CEP128: variants seen among roughly 807,000 people sequenced by gnomAD.
CEP128 encodes the protein centrosomal protein 128, also known as centrosomal protein 128kDa.
A neutral mutation model predicts 156.7 loss-of-function variants in CEP128; 132 were observed. The ratio of observed to expected loss-of-function variants is 0.84; its 90% confidence interval spans 0.73 to 0.97. CEP128 has a LOEUF of 0.97. Among genes scored for constraint, CEP128 ranks in the 50% least tolerant of loss-of-function variants. The probability of loss-of-function intolerance (pLI) is 0.00; values close to 1 mark genes in which losing one functional copy is unlikely to be tolerated. For missense variants in CEP128, 1,252 were observed against 1,281.9 expected, an observed-to-expected ratio of 0.98 and a Z score of 0.36; for synonymous variants, 469 against 448.9, an observed-to-expected ratio of 1.04 and a Z score of -0.57.
In CEP128 at chr14:80,703,436, T is replaced by C. The variant is rs183554881; in HGVS notation, c.2806+39639A>G. Among the ~76,000 whole-genome samples, 40 of 152,090 alleles carry C rather than the reference T, an allele frequency of 2.6e-4. No homozygotes were observed. The East Asian group carries it at 7.5e-3, about 29-fold the overall frequency. ...AAAGGACTCTCTGTAAAACAATATG[T>C]TTTTAAGAACTCATTCAAGTTCTAC... On this transcript the variant is annotated intron_variant, in intron 19 of 24. Transcript: ENST00000555265.
rs552493259 is a variant in CEP128 at position 80,757,652 on chromosome 14, C to G, written c.2554-701G>C. On this transcript the variant is annotated intron_variant, in intron 17 of 24. Transcript: ENST00000555265. ...TGTACTTTTGTTGAACTCTGTGCTA[C>G]AAATAATATTTTTGAAGACCTCTTT... Among the ~76,000 whole-genome samples the G allele has an allele frequency of 3.3e-5, 5 of 152,270 alleles. 1 individual carries two copies. Among genetic ancestry groups the G allele is most frequent in the African/African-American group, 1.2e-4 (5 of 41,554 alleles).
At chr14:80,687,879 A>T (rs1340795021) in intron 19 of CEP128, among the ~76,000 whole-genome samples, 1 of 152,212 alleles carries the variant, frequency 6.6e-6, no homozygotes, top group East Asian at 1.9e-4. Flanking sequence ...CTTTAAAAAC[A>T]TAAAAACGTA....
At chr14:80,729,052 GGTGGGGGTGTGTGTGTGTGTGTGTGTGT>G (rs1898131622) in intron 19 of CEP128, among the ~76,000 whole-genome samples, 1 of 94,688 alleles carries the variant, frequency 1.1e-5, no homozygotes, top group African/African-American at 5.6e-5. Flanking sequence ...AGGCTGGGCT[GGTGGGGGTGTGTGTGTGTGTGTGTGTGT>G]GTGTGTGTGT....
chr14:80,743,346 G>C, intron 18 of CEP128, 79 bp from the exon 19 acceptor site: 1 of 1,175,582 alleles, frequency 8.5e-7, no homozygotes, highest in Non-Finnish European at 1.2e-6. Context: ...AAAAAAATAA[G>C]TAACATAATT....
At chr14:80,485,373 C>CT (rs398099496) in intron 14 of CEP128, among the ~76,000 whole-genome samples, 2 of 151,676 alleles carry the variant, frequency 1.3e-5, no homozygotes, top group Non-Finnish European at 2.9e-5. Context: ...CTTTTAGATC[C>CT]TCTTCCTTTC....
At chr14:80,941,137 C>T (rs771677690) in intron 1 of CEP128, among the ~76,000 whole-genome samples, 1 of 152,018 alleles carries the variant, frequency 6.6e-6, no homozygotes, top group African/African-American at 2.4e-5. Flanking sequence ...ACTAATAAAG[C>T]GTTCCCGAGA....
intron 19 of CEP128, among the ~76,000 whole-genome samples, chr14:80,702,962 T>C (rs1192723372): frequency 3.3e-5 from 5 of 152,168 alleles, no homozygotes; most frequent in Admixed American, 1.3e-4. Context: ...AAATGTATGC[T>C]ATAAAAAGAT....
chr14:80,750,330 C>T (rs1191797902), intron 18 of CEP128, among the ~76,000 whole-genome samples: 2 of 152,124 alleles, frequency 1.3e-5, no homozygotes, highest in African/African-American at 4.8e-5. Flanking sequence ...GTTGCCCCTG[C>T]TAATGTAGTC....
intron 23 of CEP128, among the ~76,000 whole-genome samples, chr14:80,506,858 G>T (rs992668302): frequency 1.3e-5 from 2 of 152,094 alleles, no homozygotes; most frequent in African/African-American, 2.4e-5. Context: ...TATAGTTAGG[G>T]TATTTTCCCA....
intron 16 of CEP128, among the ~76,000 whole-genome samples, chr14:80,773,717 T>G (rs1198551525): frequency 6.6e-6 from 1 of 152,134 alleles, no homozygotes; most frequent in Non-Finnish European, 1.5e-5. Context: ...GATTCACAGA[T>G]TCCAGTGAAA....
chr14:80,790,004 C>T (rs997487030), intron 14 of CEP128, among the ~76,000 whole-genome samples: 1 of 151,936 alleles, frequency 6.6e-6, no homozygotes, highest in Admixed American at 6.6e-5. Flanking sequence ...TTCAAAAAAT[C>T]ATATACTTTG....
intron 19 of CEP128, among the ~76,000 whole-genome samples, chr14:80,642,190 GGACT>G (rs1894444414): frequency 6.6e-6 from 1 of 152,016 alleles, no homozygotes. Context: ...GTTACAGAGG[GGACT>G]GACAAGAAGC....
intron 19 of CEP128, among the ~76,000 whole-genome samples, chr14:80,596,845 T>G (rs143436263): frequency 0.081 from 5,898 of 72,486 alleles, 1 homozygote; most frequent in Middle Eastern, 0.16. Flanking sequence ...AAAAAAAAGG[T>G]GGGGGGGGGA....
intron 13 of CEP128, chr14:80,830,519 A>G (rs928347530): frequency 7.7e-6 from 2 of 261,086 alleles, no homozygotes; most frequent in Non-Finnish European, 1.4e-5. Context: ...CAATTAAACC[A>G]TTTCCTTTTA....
chr14:80,700,403 G>C (rs1413922482), intron 19 of CEP128, among the ~76,000 whole-genome samples: 2 of 152,098 alleles, frequency 1.3e-5, no homozygotes, highest in African/African-American at 4.8e-5. Context: ...CAGAGTGGCA[G>C]GGAAGATGCG....
intron 3 of CEP128, among the ~76,000 whole-genome samples, chr14:80,915,820 C>G (rs894250534): frequency 1.3e-5 from 2 of 152,238 alleles, no homozygotes; most frequent in Non-Finnish European, 2.9e-5. Context: ...CACCACCTAT[C>G]ACATATTTCA....
At chr14:80,730,368 C>T (rs1253088455) in intron 19 of CEP128, among the ~76,000 whole-genome samples, 1 of 152,134 alleles carries the variant, frequency 6.6e-6, no homozygotes, top group Non-Finnish European at 1.5e-5. Flanking sequence ...ACTGAAAGTG[C>T]TTCTTAGTTA....
At chr14:80,624,086 A>G (rs777202824) in intron 19 of CEP128, among the ~76,000 whole-genome samples, 4 of 151,988 alleles carry the variant, frequency 2.6e-5, no homozygotes, top group Non-Finnish European at 5.9e-5. Flanking sequence ...CCCCTTCCTC[A>G]ATCTTCACAG....
At chr14:80,500,572 C>T (rs1484439812) in intron 24 of CEP128, among the ~76,000 whole-genome samples, 6 of 152,202 alleles carry the variant, frequency 3.9e-5, no homozygotes, top group Non-Finnish European at 8.8e-5. Flanking sequence ...AGTGTATATA[C>T]ACATATCAAA....
Sources: allele counts gnomAD v4.1 joint callset (sites outside exome capture counted in the v4.1 genomes callset), GRCh38; gene constraint gnomAD v4.1.1; transcripts MANE v1.5; gene names NCBI Gene and HGNC (gene_info 2026-07-23, HGNC 2026-07-21).